Variants in NEBL observed in about 807,000 individuals in gnomAD.
NEBL encodes the protein nebulette, also known as LIM and SH3 protein 2.
A neutral mutation model predicts 140.2 loss-of-function variants in NEBL; 122 were observed. The observed-to-expected ratio is 0.87, with a 90% CI of 0.75 to 1.01. NEBL has a LOEUF of 1.01. Among genes scored for constraint, NEBL ranks in the 50% least tolerant of loss-of-function variants. The probability of loss-of-function intolerance (pLI) is 0.00; values close to 1 mark genes in which losing one functional copy is unlikely to be tolerated. For synonymous variants in NEBL, 436 were observed against 398.9 expected, an observed-to-expected ratio of 1.09 and a Z score of -1.11; for missense variants, 1,365 against 1,231.3, an observed-to-expected ratio of 1.11 and a Z score of -1.62.
At chr10:21,035,937 C>T (rs557217324) in intron 2 of NEBL, among the ~76,000 whole-genome samples, 3 of 152,020 alleles carry the variant, frequency 2.0e-5, no homozygotes, top group East Asian at 1.9e-4. Flanking sequence ...CTGAGGTGAG[C>T]GGATCACTTG....
At chr10:20,864,025 G>A (rs1844010858) in intron 7 of NEBL, among the ~76,000 whole-genome samples, 1 of 152,038 alleles carries the variant, frequency 6.6e-6, no homozygotes, top group Non-Finnish European at 1.5e-5. Context: ...AATTTTCATG[G>A]CAATTTATAA....
At chr10:20,987,704 G>A (rs1363411225) in intron 3 of NEBL, among the ~76,000 whole-genome samples, 2 of 152,176 alleles carry the variant, frequency 1.3e-5, no homozygotes, top group East Asian at 3.9e-4. Context: ...TAGAGCATAA[G>A]ACCAAGGCTA....
chr10:20,889,814 C>A, intron 3 of NEBL, 31 bp downstream of exon 3: 1 of 1,321,088 alleles, frequency 7.6e-7, no homozygotes, highest in South Asian at 1.2e-5. Context: ...AAGATAAATG[C>A]AAGCCAGTTT....
intron 2 of NEBL, among the ~76,000 whole-genome samples, chr10:21,094,499 C>CAAA (rs72278772): frequency 9.5e-4 from 60 of 63,200 alleles, no homozygotes; most frequent in Non-Finnish European, 1.3e-3. Flanking sequence ...GACTCCGTCT[C>CAAA]AAAAAAAAAA....
intron 3 of NEBL, among the ~76,000 whole-genome samples, chr10:21,189,644 T>C (rs1372431174): frequency 7.0e-6 from 1 of 143,048 alleles, no homozygotes; most frequent in Non-Finnish European, 1.5e-5. Context: ...TTTTTGTATT[T>C]TTCAGTAGAG....
intron 1 of NEBL, among the ~76,000 whole-genome samples, chr10:21,265,435 G>A (rs1842787346): frequency 6.6e-6 from 1 of 152,142 alleles, no homozygotes; most frequent in South Asian, 2.1e-4. Context: ...TAATCTCACT[G>A]CGTATGGTGA....
At chr10:20,852,449 C>T in intron 10 of NEBL, 96 bp downstream of exon 10, 3 of 805,136 alleles carry the variant, frequency 3.7e-6, no homozygotes, top group Middle Eastern at 2.9e-4. Flanking sequence ...TGCAACTGTA[C>T]TTTCTCAGTT....
At chr10:21,055,834 G>A (rs1451870838) in intron 2 of NEBL, among the ~76,000 whole-genome samples, 4 of 152,152 alleles carry the variant, frequency 2.6e-5, no homozygotes, top group East Asian at 1.9e-4. Flanking sequence ...GGGGGCTCCC[G>A]CGTGAGAATG....
At chr10:20,828,061 C>G (rs999771425) in intron 17 of NEBL, among the ~76,000 whole-genome samples, 2 of 151,270 alleles carry the variant, frequency 1.3e-5, no homozygotes, top group Non-Finnish European at 2.9e-5. Flanking sequence ...ACAGGTACCC[C>G]CAAACTTAAA....
At chr10:21,128,484 C>T (rs1399863277) in intron 2 of NEBL, among the ~76,000 whole-genome samples, 1 of 152,024 alleles carries the variant, frequency 6.6e-6, no homozygotes. Flanking sequence ...AGCCACATAA[C>T]CTTGATTACT....
chr10:21,019,149 A>G (rs904162498), intron 3 of NEBL, among the ~76,000 whole-genome samples: 1 of 152,202 alleles, frequency 6.6e-6, no homozygotes, highest in Non-Finnish European at 1.5e-5. Context: ...CTCAGGGACC[A>G]TCATTATCAC....
chr10:20,790,695 A>T (rs1835881105), intron 26 of NEBL, among the ~76,000 whole-genome samples: 1 of 152,160 alleles, frequency 6.6e-6, no homozygotes, highest in Admixed American at 6.6e-5. Flanking sequence ...ACAGCAATTT[A>T]AGAAGAGGCA....
chr10:21,236,345 A>AT (rs147170707), intron 3 of NEBL, among the ~76,000 whole-genome samples: 3,348 of 125,336 alleles, frequency 0.027, 71 homozygotes, highest in African/African-American at 0.049. Flanking sequence ...CCTTTTTTTA[A>AT]TTTTTTTTTT....
chr10:21,052,611 G>A (rs902490053), intron 2 of NEBL, among the ~76,000 whole-genome samples: 12 of 152,298 alleles, frequency 7.9e-5, no homozygotes, highest in Admixed American at 2.6e-4. Flanking sequence ...TCTATATAGA[G>A]CAAAGTCTGT....
rs539704662 is a variant in NEBL, at chr10:21,162,008, C to A, written c.164+10375G>T. Among the ~76,000 whole-genome samples, 5 of 152,310 alleles carry A rather than the reference C, an allele frequency of 3.3e-5. No homozygotes were observed. The East Asian group carries it at 9.6e-4, about 29-fold the overall frequency. ...TTTGGGGCTTTGAGCCGGATGAGAT[C>A]AGCTGACCTTTTCCAGGGAAGAGAG... is the stretch of plus-strand genomic sequence containing the variant. On this transcript the variant is annotated intron_variant, in intron 2 of 6. Coordinates refer to the NEBL transcript ENST00000417816.
intron 3 of NEBL, among the ~76,000 whole-genome samples, chr10:20,968,449 T>C (rs72789344): frequency 0.072 from 10,941 of 152,090 alleles, 481 homozygotes; most frequent in African/African-American, 0.13. Flanking sequence ...AGTTCAAGGC[T>C]GCAGTGAGCT....
In NEBL at chr10:21,006,256, AC is replaced by A. The variant is rs779966839; in HGVS notation, c.249+13860del. 1.7e-4 allele frequency among the ~76,000 whole-genome samples: 26 copies of A among 152,168 alleles called. 2 individuals carry two copies. The East Asian group carries it at 3.9e-3, about 23-fold the overall frequency. The stretch of plus-strand genomic sequence containing the variant: ...TGCTGTCATAGACATCCTTGTACTT[AC>A]GCTTTCTATGCTGATAATTTTGTTT... On this transcript the variant is annotated intron_variant, in intron 3 of 6. Coordinates refer to the NEBL transcript ENST00000417816.
chr10:21,170,331 T>C (rs1841018199), intron 2 of NEBL: 1 of 152,240 alleles, frequency 6.6e-6, no homozygotes, highest in Non-Finnish European at 1.5e-5. Context: ...TTCCTGGCCC[T>C]GCCCTGTAAA....
intron 4 of NEBL, among the ~76,000 whole-genome samples, chr10:20,914,879 GC>G (rs1848472270): frequency 6.6e-6 from 1 of 151,768 alleles, no homozygotes; most frequent in Admixed American, 6.6e-5. Context: ...GTTTTTTGAG[GC>G]GGAGTCTCAC....
Sources: allele counts gnomAD v4.1 joint callset (sites outside exome capture counted in the v4.1 genomes callset), GRCh38; gene constraint gnomAD v4.1.1; transcripts MANE v1.5; gene names NCBI Gene and HGNC (gene_info 2026-07-23, HGNC 2026-07-21).